PRR5L: variants seen among roughly 807,000 people sequenced by gnomAD.
PRR5L encodes the protein proline-rich protein 5-like.
Under a neutral mutation model 36.4 loss-of-function variants are expected in PRR5L, and 21 were observed. That is an observed-to-expected ratio of 0.58 (90% CI 0.41 to 0.83). PRR5L has a LOEUF of 0.83. Among genes scored for constraint, PRR5L ranks in the 40% least tolerant of loss-of-function variants. The pLI, the probability that PRR5L is intolerant of heterozygous loss-of-function variation, is 0.00. For missense variants in PRR5L, 381 were observed against 473.3 expected (o/e 0.80, Z 1.81); for synonymous variants, 188 against 197.0 (o/e 0.95, Z 0.38).
intron 1 of PRR5L, among the ~76,000 whole-genome samples, chr11:36,312,360 G>T (rs985775765): frequency 2.0e-5 from 3 of 152,156 alleles, no homozygotes; most frequent in African/African-American, 7.2e-5. Flanking sequence ...GGGAGAACAG[G>T]GGTTGTGTAC....
chr11:36,338,285 T>C (rs980048), intron 1 of PRR5L, among the ~76,000 whole-genome samples: 13,267 of 152,266 alleles, frequency 0.087, 1,919 homozygotes, highest in African/African-American at 0.3. Context: ...TGAGCTCCTT[T>C]GTTCACAGTC....
At chr11:36,357,537 A>C (rs1248525016) in intron 1 of PRR5L, among the ~76,000 whole-genome samples, 1 of 152,200 alleles carries the variant, frequency 6.6e-6, no homozygotes, top group African/African-American at 2.4e-5. Context: ...AGTGACTTTA[A>C]GTTGAAGTCA....
chr11:36,437,933 G>A (rs955265460), intron 6 of PRR5L, among the ~76,000 whole-genome samples: 2 of 152,088 alleles, frequency 1.3e-5, no homozygotes, highest in African/African-American at 2.4e-5. Flanking sequence ...TCCTCTGTAA[G>A]GGATCCTACG....
intron 3 of PRR5L, among the ~76,000 whole-genome samples, chr11:36,408,257 G>A (rs557388136): frequency 3.3e-5 from 5 of 151,388 alleles, no homozygotes; most frequent in African/African-American, 9.8e-5. Context: ...ACTCCAGCCT[G>A]GGGGACAGAG....
intron 1 of PRR5L, among the ~76,000 whole-genome samples, chr11:36,324,469 C>CTGGGTG (rs1856641088): frequency 1.3e-5 from 2 of 152,240 alleles, no homozygotes; most frequent in East Asian, 3.9e-4. Flanking sequence ...GTGGTAACAT[C>CTGGGTG]TGGGTGTGTA....
At chr11:36,347,224 G>A (rs1297297263) in intron 1 of PRR5L, among the ~76,000 whole-genome samples, 1 of 151,986 alleles carries the variant, frequency 6.6e-6, no homozygotes, top group African/African-American at 2.4e-5. Flanking sequence ...CACATGTATT[G>A]TTTCATAATT....
intron 1 of PRR5L, among the ~76,000 whole-genome samples, chr11:36,372,865 A>G (rs754535784): frequency 6.6e-6 from 1 of 152,226 alleles, no homozygotes; most frequent in Non-Finnish European, 1.5e-5. Context: ...CATAAGGTTC[A>G]AACAATACAA....
intron 1 of PRR5L, among the ~76,000 whole-genome samples, chr11:36,345,066 G>C (rs1283332109): frequency 6.6e-6 from 1 of 152,178 alleles, no homozygotes; most frequent in East Asian, 1.9e-4. Flanking sequence ...GCTTGGGCTT[G>C]ACTGGAGGCT....
chr11:36,334,410 G>A (rs963891471), intron 1 of PRR5L, among the ~76,000 whole-genome samples: 9 of 152,138 alleles, frequency 5.9e-5, no homozygotes, highest in South Asian at 2.1e-4. Context: ...CCTGGCCATG[G>A]CCTCCAAGAA....
intron 1 of PRR5L, among the ~76,000 whole-genome samples, chr11:36,342,054 C>A (rs188751506): frequency 2.3e-4 from 35 of 152,238 alleles, no homozygotes; most frequent in African/African-American, 7.9e-4. Flanking sequence ...AGCAAAGTAG[C>A]CATTGTTTCT....
intron 1 of PRR5L, among the ~76,000 whole-genome samples, chr11:36,380,167 T>G (rs184206877): frequency 6.6e-6 from 1 of 151,982 alleles, no homozygotes; most frequent in African/African-American, 2.4e-5. Context: ...AGACAGGAGG[T>G]GGGTGAACAA....
chr11:36,380,174 A>C (rs1857343553), intron 1 of PRR5L, among the ~76,000 whole-genome samples: 2 of 152,318 alleles, frequency 1.3e-5, no homozygotes, highest in African/African-American at 4.8e-5. Context: ...AGGTGGGTGA[A>C]CAATGAAGCC....
At chr11:36,395,136 G>A (rs1222475159) in intron 1 of PRR5L, among the ~76,000 whole-genome samples, 5 of 152,122 alleles carry the variant, frequency 3.3e-5, no homozygotes, top group Non-Finnish European at 4.4e-5. Context: ...ATGTCATCCC[G>A]AAGACCCACA....
At chr11:36,436,072 C>T (rs1858600910) in intron 5 of PRR5L, among the ~76,000 whole-genome samples, 1 of 152,210 alleles carries the variant, frequency 6.6e-6, no homozygotes, top group Non-Finnish European at 1.5e-5. Context: ...GAATTTCACC[C>T]TGACCTTTCA....
intron 1 of PRR5L, among the ~76,000 whole-genome samples, chr11:36,346,055 T>G (rs1483979115): frequency 2.0e-5 from 3 of 152,280 alleles, no homozygotes; most frequent in Non-Finnish European, 2.9e-5. Context: ...TTTTGAAGGA[T>G]TTATTTTTTA....
intron 4 of PRR5L, among the ~76,000 whole-genome samples, chr11:36,427,832 C>A (rs959922035): frequency 5.9e-5 from 9 of 152,232 alleles, no homozygotes; most frequent in African/African-American, 2.2e-4. Context: ...TCCCTGGCTT[C>A]TTCTAAAACA....
chr11:36,426,992 C>A (rs926676298), intron 4 of PRR5L, among the ~76,000 whole-genome samples: 3 of 152,142 alleles, frequency 2.0e-5, no homozygotes, highest in Non-Finnish European at 4.4e-5. Flanking sequence ...ATTGGTAGCC[C>A]CACACCACCC....
intron 1 of PRR5L, among the ~76,000 whole-genome samples, chr11:36,324,180 ATAAT>A (rs952398271): frequency 6.6e-6 from 1 of 152,220 alleles, no homozygotes; most frequent in African/African-American, 2.4e-5. Flanking sequence ...AAATTATGAC[ATAAT>A]TAGATAATTA....
In PRR5L at chr11:36,444,231, A is replaced by G. The variant is rs551378919; in HGVS notation, c.445-2069A>G. Among the ~76,000 whole-genome samples, 121 of 152,328 alleles carry G rather than the reference A, an allele frequency of 7.9e-4. 4 individuals are homozygous for G. In the South Asian group the frequency reaches 0.023, roughly 29 times the overall value. ...GGTCAATATGTGCTGGTATGAAAAG[A>G]TGTCCAAAATATACAAAGTGAAACA... On this transcript the variant is annotated intron_variant, in intron 6 of 8. Transcript: ENST00000530639.
Sources: allele counts gnomAD v4.1 joint callset (sites outside exome capture counted in the v4.1 genomes callset), GRCh38; gene constraint gnomAD v4.1.1; transcripts MANE v1.5; gene names NCBI Gene and HGNC (gene_info 2026-07-23, HGNC 2026-07-21).